The following PSPC1 variants were observed in gnomAD, a reference collection of about 807,000 sequenced individuals.
PSPC1 encodes paraspeckle protein 1.
A neutral mutation model predicts 51.6 loss-of-function variants in PSPC1; 14 were observed. The ratio of observed to expected loss-of-function variants is 0.27; its 90% confidence interval spans 0.18 to 0.42. The LOEUF is 0.42. Ranked by LOEUF, PSPC1 falls within the 10% of genes least tolerant of loss-of-function variation. The pLI is 1.00. For synonymous variants in PSPC1, 193 were observed against 231.9 expected (o/e 0.83, Z 1.53); for missense variants, 406 against 701.1 (o/e 0.58, Z 4.75).
At chr13:19,698,863 T>A (rs1462813634), downstream of PSPC1, among the ~76,000 whole-genome samples, 1 of 151,850 alleles carries the variant, frequency 6.6e-6, no homozygotes, top group Non-Finnish European at 1.5e-5. Flanking sequence ...TTTCAGTATC[T>A]TCAATCTGGA....
chr13:19,706,308 C>A (rs1157907236), intron 7 of PSPC1, among the ~76,000 whole-genome samples: 3 of 151,216 alleles, frequency 2.0e-5, no homozygotes, highest in Non-Finnish European at 2.9e-5. Context: ...AAATAAAGAT[C>A]ATTATAACTA....
At chr13:19,720,337 T>C (rs1882611992) in intron 6 of PSPC1, among the ~76,000 whole-genome samples, 1 of 151,994 alleles carries the variant, frequency 6.6e-6, no homozygotes, top group African/African-American at 2.4e-5. Flanking sequence ...AAAGAACAAA[T>C]ATAAACTGCA....
chr13:19,701,408 C>T (rs1303114772), downstream of PSPC1, among the ~76,000 whole-genome samples: 1 of 151,506 alleles, frequency 6.6e-6, no homozygotes, highest in East Asian at 1.9e-4. Context: ...CAATTAATGT[C>T]ACAAATTAAA....
intron 5 of PSPC1, among the ~76,000 whole-genome samples, chr13:19,740,300 G>A (rs561985391): frequency 2.0e-5 from 3 of 150,994 alleles, no homozygotes; most frequent in Non-Finnish European, 3.0e-5. Context: ...CCGAGATCGC[G>A]CCATTGCACT....
chr13:19,687,599 G>A (rs1878062765), intron 6 of PSPC1, among the ~76,000 whole-genome samples: 1 of 151,942 alleles, frequency 6.6e-6, no homozygotes, highest in African/African-American at 2.4e-5. Flanking sequence ...CCTCTTTTTA[G>A]CAGCACCAAA....
At chr13:19,761,198 G>C (rs1462642589) in intron 2 of PSPC1, among the ~76,000 whole-genome samples, 2 of 151,968 alleles carry the variant, frequency 1.3e-5, no homozygotes, top group African/African-American at 4.8e-5. Flanking sequence ...AAAAAGGGAA[G>C]GCAGAAGACA....
intron 5 of PSPC1, among the ~76,000 whole-genome samples, chr13:19,739,058 T>C (rs913686902): frequency 2.8e-4 from 43 of 152,216 alleles, no homozygotes; most frequent in Non-Finnish European, 4.9e-4. Flanking sequence ...AATCTGTTCA[T>C]GTAACGTATA....
intron 6 of PSPC1, among the ~76,000 whole-genome samples, chr13:19,716,906 T>C (rs1565987929): frequency 6.6e-6 from 1 of 152,138 alleles, no homozygotes; most frequent in African/African-American, 2.4e-5. Context: ...ATAAGAACTG[T>C]TGGCCAGGCG....
At position 19,782,296 on chromosome 13, in the gene PSPC1, G is replaced by A; in HGVS notation, c.372+90C>T. The A allele has an allele frequency of 6.9e-7, 1 of 1,459,464 alleles. No homozygotes were observed. Among genetic ancestry groups the A allele is most frequent in the African/African-American group, 1.5e-5 (1 of 68,112 alleles). 90.4% of individuals were successfully genotyped at this position (1,459,464 alleles called of 1,614,324 possible). ...GCCACGGTTGCCACAGGTTGAGACA[G>A]CGTCCTAGGACGAGGCTGGCCTCAG... On this transcript the variant is annotated intron_variant, in intron 1 of 8. Coordinates refer to ENST00000338910, the MANE Select transcript of PSPC1 (RefSeq NM_001354909.2). This position sits in a 1 kb window ranked among gnomAD's most constrained non-coding sequence, Gnocchi z 4.5.
At position 19,714,172 on chromosome 13, in the gene PSPC1, C is replaced by G. The variant is rs1881799314; in HGVS notation, c.1159-4573G>C. On this transcript the variant is annotated intron_variant, in intron 6 of 8. Transcript: ENST00000338910. The stretch of plus-strand genomic sequence containing the variant: ...AACAGGATTTGTCCACAAAGTACAT[C>G]TGCTGCATTCTGAAGTAGGATGGTT... Among the ~76,000 whole-genome samples, 6 of 152,188 alleles carry G rather than the reference C, an allele frequency of 3.9e-5. No homozygotes were observed. In the South Asian group the frequency reaches 1.2e-3, roughly 32 times the overall value.
chr13:19,756,987 G>A (rs1363838594), intron 3 of PSPC1, among the ~76,000 whole-genome samples: 9 of 151,874 alleles, frequency 5.9e-5, no homozygotes, highest in East Asian at 3.9e-4. Context: ...AAAATTAGCC[G>A]GGCATGGTGG....
At position 19,771,519 on chromosome 13, in the gene PSPC1, T is replaced by G. The variant is rs138376006; in HGVS notation, c.674+723A>C. Among the ~76,000 whole-genome samples, 744 of 152,268 alleles carry G rather than the reference T, an allele frequency of 4.9e-3. 7 individuals carry two copies. Among genetic ancestry groups the G allele is most frequent in the African/African-American group, 0.017 (691 of 41,544 alleles). Reference sequence around the variant, plus strand: ...GGCATGATCTGGGATCACTGCAACCTCTGCCTCCAGGGTTCAAGCAATTAT... The same window carrying G: ...GGCATGATCTGGGATCACTGCAACCGCTGCCTCCAGGGTTCAAGCAATTAT... On this transcript the variant is annotated intron_variant, in intron 2 of 8. Transcript: ENST00000338910.
intron 8 of PSPC1, among the ~76,000 whole-genome samples, chr13:19,705,327 T>TA (rs1309990649): frequency 6.6e-6 from 1 of 152,188 alleles, no homozygotes; most frequent in African/African-American, 2.4e-5. Context: ...ACCCTGTCTC[T>TA]ACTAAAAATA....
chr13:19,727,827 A>G (rs1014965523), intron 6 of PSPC1, among the ~76,000 whole-genome samples: 1 of 152,238 alleles, frequency 6.6e-6, no homozygotes, highest in Non-Finnish European at 1.5e-5. Flanking sequence ...ATTTCCACTT[A>G]GTAAATACTG....
At chr13:19,767,155 GA>G (rs1030817928) in intron 2 of PSPC1, among the ~76,000 whole-genome samples, 32 of 150,418 alleles carry the variant, frequency 2.1e-4, no homozygotes, top group African/African-American at 7.5e-4. Flanking sequence ...TTAAAAATAC[GA>G]AAAAAAATAA....
Position 19,732,350 on chromosome 13 carries a change from A to G in PSPC1, c.1053-2006T>C, listed in dbSNP as rs1884219083. The stretch of plus-strand genomic sequence containing the variant: ...GTGTGGGTGGCGATGGGAAGATCCA[A>G]TAAAGGTCAAATGTGTTGAAATTCA... On this transcript the variant is annotated intron_variant, in intron 5 of 8. Coordinates refer to ENST00000338910, the MANE Select transcript of PSPC1 (RefSeq NM_001354909.2). Among the ~76,000 whole-genome samples, 3 of 152,172 alleles carry G rather than the reference A, an allele frequency of 2.0e-5. No individual in the cohort carries two copies. In the South Asian group the frequency reaches 6.2e-4, roughly 32 times the overall value.
At chr13:19,705,018 C>T (rs1427076152) in intron 8 of PSPC1, among the ~76,000 whole-genome samples, 1 of 152,116 alleles carries the variant, frequency 6.6e-6, no homozygotes, top group East Asian at 1.9e-4. Context: ...TTGTCCCCAT[C>T]AAATATAAGG....
intron 6 of PSPC1, among the ~76,000 whole-genome samples, chr13:19,683,809 T>A (rs1877550634): frequency 6.6e-6 from 1 of 152,138 alleles, no homozygotes; most frequent in Non-Finnish European, 1.5e-5. Flanking sequence ...ATCTTAACTT[T>A]TTCAGGAAAA....
intron 6 of PSPC1, among the ~76,000 whole-genome samples, chr13:19,726,322 T>G (rs970472888): frequency 1.3e-5 from 2 of 152,196 alleles, no homozygotes; most frequent in Non-Finnish European, 1.5e-5. Flanking sequence ...GAATCTTCGC[T>G]ACCAAAAAGA....
Sources: allele counts gnomAD v4.1 joint callset (sites outside exome capture counted in the v4.1 genomes callset), GRCh38; gene constraint gnomAD v4.1.1; non-coding constraint Gnocchi (gnomAD v3.1); transcripts MANE v1.5; gene names NCBI Gene and HGNC (gene_info 2026-07-23, HGNC 2026-07-21).